Variants in PTPRO observed in about 807,000 individuals in gnomAD.
PTPRO encodes the protein protein tyrosine phosphatase receptor type O.
A neutral mutation model predicts 145.2 loss-of-function variants in PTPRO; 62 were observed. That is an observed-to-expected ratio of 0.43 (90% CI 0.35 to 0.53). The LOEUF (loss-of-function observed/expected upper bound fraction) is 0.53, where lower values mean the gene tolerates loss of function less well. PTPRO is among the 20% of genes least tolerant of loss of function. PTPRO has a pLI of 0.01. For synonymous variants in PTPRO, 565 were observed against 514.7 expected, an observed-to-expected ratio of 1.10 and a Z score of -1.32; for missense variants, 1,345 against 1,482.7, an observed-to-expected ratio of 0.91 and a Z score of 1.53.
chr12:15,586,237 G>C (rs964124211), intron 23 of PTPRO, among the ~76,000 whole-genome samples: 6 of 152,198 alleles, frequency 3.9e-5, no homozygotes, highest in African/African-American at 1.4e-4. Flanking sequence ...CCATAAGGGA[G>C]CAAGGGAAGC....
At chr12:15,347,653 G>T (rs184019429) in intron 1 of PTPRO, among the ~76,000 whole-genome samples, 5 of 152,236 alleles carry the variant, frequency 3.3e-5, no homozygotes, top group African/African-American at 1.2e-4. Context: ...GCTTGTATTT[G>T]TATACAAAAG....
intron 1 of PTPRO, among the ~76,000 whole-genome samples, chr12:15,478,132 T>C (rs773054143): frequency 6.6e-6 from 1 of 152,152 alleles, no homozygotes; most frequent in African/African-American, 2.4e-5. Context: ...TTGGAGGGTA[T>C]GGGTACAAGA....
At chr12:15,343,966 G>C (rs1239727341) in intron 1 of PTPRO, among the ~76,000 whole-genome samples, 4 of 152,198 alleles carry the variant, frequency 2.6e-5, no homozygotes, top group Admixed American at 6.5e-5. Flanking sequence ...TTACAGGCGT[G>C]AGCCACCGCG....
chr12:15,439,821 C>A (rs565320293), intron 1 of PTPRO: 2 of 612,236 alleles, frequency 3.3e-6, no homozygotes, highest in South Asian at 1.6e-5. Context: ...TTCTTGGGGG[C>A]CTCTCTCAAG....
intron 19 of PTPRO, 92 bp downstream of exon 19, chr12:15,569,590 A>T: frequency 8.9e-7 from 1 of 1,125,834 alleles, no homozygotes; most frequent in Non-Finnish European, 1.3e-6. Flanking sequence ...GCTCACTGGC[A>T]GTGCGTAACA....
At chr12:15,366,729 G>A (rs1565589099) in intron 1 of PTPRO, among the ~76,000 whole-genome samples, 1 of 152,198 alleles carries the variant, frequency 6.6e-6, no homozygotes, top group East Asian at 1.9e-4. Context: ...TTCACCTGTT[G>A]GAATGTGTGT....
At chr12:15,587,622 G>T (rs1413495592) in intron 24 of PTPRO, among the ~76,000 whole-genome samples, 1 of 152,070 alleles carries the variant, frequency 6.6e-6, no homozygotes, top group Non-Finnish European at 1.5e-5. Context: ...AAGGATATAG[G>T]ATATAAAAAA....
At chr12:15,512,911 G>A (rs10846186) in intron 7 of PTPRO, among the ~76,000 whole-genome samples, 2 of 151,392 alleles carry the variant, frequency 1.3e-5, no homozygotes, top group African/African-American at 4.9e-5. Flanking sequence ...CAAGAATCAC[G>A]TGAACCCAGG....
At chr12:15,445,959 A>G (rs1268193692) in intron 1 of PTPRO, among the ~76,000 whole-genome samples, 2 of 152,176 alleles carry the variant, frequency 1.3e-5, no homozygotes, top group African/African-American at 4.8e-5. Context: ...TAGGATGCAG[A>G]GCACTCATGA....
At position 15,447,852 on chromosome 12, in the gene PTPRO, A is replaced by G. The variant is rs1294675520; in HGVS notation, c.76-36122A>G. On this transcript the variant is annotated intron_variant, in intron 1 of 26. Transcript: ENST00000281171. Reference sequence around the variant, plus strand: ...GCAGATTGATCACGTCAAATTCATCAGGTTCATTTCCAAAAATAAAAATCC... The same window carrying G: ...GCAGATTGATCACGTCAAATTCATCGGGTTCATTTCCAAAAATAAAAATCC... Among the ~76,000 whole-genome samples the G allele has an allele frequency of 2.6e-5, 4 of 152,158 alleles. No homozygotes were observed. The South Asian group carries it at 6.2e-4, about 24-fold the overall frequency.
chr12:15,556,435 C>CTG (rs1943627399), intron 15 of PTPRO, among the ~76,000 whole-genome samples: 2 of 151,500 alleles, frequency 1.3e-5, no homozygotes, highest in African/African-American at 4.9e-5. Context: ...CCCCAATGAG[C>CTG]TGTTATTCAT....
chr12:15,541,759 C>T (rs1943184399), intron 12 of PTPRO, among the ~76,000 whole-genome samples: 1 of 152,196 alleles, frequency 6.6e-6, no homozygotes, highest in Non-Finnish European at 1.5e-5. Flanking sequence ...CGCCTGTAAT[C>T]CCAAAACTTT....
At chr12:15,439,705 G>A (rs925144858) in intron 1 of PTPRO, 2 of 482,234 alleles carry the variant, frequency 4.1e-6, no homozygotes, top group African/African-American at 1.9e-5. Context: ...ATGAGTGGAT[G>A]CCCGTCACCG....
chr12:15,398,493 A>C (rs1011313334), intron 1 of PTPRO, among the ~76,000 whole-genome samples: 4 of 152,234 alleles, frequency 2.6e-5, no homozygotes, highest in Non-Finnish European at 4.4e-5. Context: ...AAAAAAAAAA[A>C]AACAACTCTC....
intron 7 of PTPRO, among the ~76,000 whole-genome samples, chr12:15,509,843 G>T (rs146360899): frequency 2.1e-3 from 315 of 152,250 alleles, no homozygotes; most frequent in Non-Finnish European, 3.7e-3. Context: ...TCTTGTGAGT[G>T]GCTAGCAGAA....
chr12:15,390,491 G>A (rs898608407), intron 1 of PTPRO, among the ~76,000 whole-genome samples: 5 of 151,962 alleles, frequency 3.3e-5, no homozygotes, highest in Admixed American at 3.3e-4. Flanking sequence ...TCACTATCAC[G>A]AGAATAGCAT....
chr12:15,515,580 T>G lies in PTPRO; in HGVS notation c.1547T>G (p.Leu516Trp). 6.2e-7 allele frequency: 1 copy of G among 1,614,072 alleles called. No homozygotes were observed. The highest frequency in any genetic ancestry group is 8.5e-7 in the Non-Finnish European group (1 of 1,179,984). Residue 516 changes from leucine to tryptophan, a missense_variant, in exon 8 of 27, where the codon TTG becomes TGG. This residue lies in a region of PTPRO where 1,130 missense variants were observed against 1,214.7 expected (regional missense o/e 0.93). Coordinates refer to ENST00000281171, the MANE Select transcript of PTPRO (RefSeq NM_030667.3). ...QVVIYLRKGPLIGPPSDPVTF... is the reference protein window; with the variant it reads ...QVVIYLRKGPWIGPPSDPVTF... ...GTAATATACCTAAGGAAAGGCCCTT[T>G]GATTGGACCACCTTCAGATCCTGTG...
chr12:15,441,479 C>A (rs892679036), intron 1 of PTPRO, among the ~76,000 whole-genome samples: 1 of 152,042 alleles, frequency 6.6e-6, no homozygotes, highest in East Asian at 1.9e-4. Context: ...CCCCAAAGTT[C>A]TCAGAAGAAA....
intron 2 of PTPRO, among the ~76,000 whole-genome samples, chr12:15,492,009 A>G (rs1942009713): frequency 6.6e-6 from 1 of 152,228 alleles, no homozygotes; most frequent in South Asian, 2.1e-4. Context: ...ACACATATTC[A>G]TCTTACTACC....
Sources: gnomAD v4.1 joint callset for allele counts (sites outside exome capture counted in the v4.1 genomes callset) on GRCh38, gnomAD v4.1.1 for gene constraint, gnomAD v4.1.1 regional missense constraint, MANE v1.5 for transcripts, NCBI Gene and HGNC (gene_info 2026-07-23, HGNC 2026-07-21) for gene names.